Variants in SLC12A4 observed in about 807,000 individuals in gnomAD.
The protein encoded by SLC12A4 is electroneutral potassium-chloride cotransporter 1.
In SLC12A4, 84 loss-of-function variants were observed where a neutral mutation model predicts 119.2. The ratio of observed to expected loss-of-function variants is 0.70; its 90% CI spans 0.59 to 0.85. The LOEUF is 0.85. SLC12A4 is among the 40% of genes least tolerant of loss of function. The pLI is 0.00. For synonymous variants in SLC12A4, 599 were observed against 604.6 expected (o/e 0.99, Z 0.14); for missense variants, 1,298 against 1,476.3 (o/e 0.88, Z 1.98).
chr16:67,947,648 C>T, intron 15 of SLC12A4, 21 bp downstream of exon 15: 2 of 1,589,678 alleles, frequency 1.3e-6, no homozygotes, highest in Non-Finnish European at 1.7e-6. Flanking sequence ...TGGCAGAGGC[C>T]AGGTGGCAGT....
Position 67,946,575 on chromosome 16 carries a change from G to A in SLC12A4, c.2300C>T (p.Ala767Val), listed in dbSNP as rs2058353050. 6.2e-7 allele frequency: 1 copy of A among 1,612,892 alleles called. No homozygotes were observed. ...GGCCAGCCCCTCCCGCACCTTGCTG[G>A]CCACCACCACCTGGCAGAAGCCCTT... ...KVKGFCQVVVASKVREGLAHL... is the reference protein window; with the variant it reads ...KVKGFCQVVVVSKVREGLAHL... The change falls in exon 18 of 24, where the codon GCC becomes GTC. Residue 767 changes from alanine to valine, a missense_variant. Transcript: ENST00000316341.
chr16:67,951,593 GGGCTGGT>G lies in SLC12A4; in HGVS notation c.1132+223_1132+229del, dbSNP rs2029909906. The G allele has an allele frequency of 6.7e-5, 41 of 611,100 alleles. 1 individual carries two copies. In the South Asian group the frequency reaches 7.9e-4, roughly 12 times the overall value. The allele number at this position is 611,100 out of a possible 1,614,324, so 37.9% of individuals were successfully genotyped here. A position where few individuals can be genotyped will look rare whatever the true frequency, so the allele number is the denominator to read the frequency against. ...TGGGAACATCCCCAGGCAGTGTCAG[GGGCTGGT>G]GGCTGGGGAAGACAGGCTGCTGCAG... On this transcript the variant is annotated intron_variant, in intron 8 of 23. Transcript: ENST00000316341. The surrounding 1 kb of genome is among the most constrained non-coding windows in gnomAD (Gnocchi z 5.2).
intron 5 of SLC12A4, 32 bp downstream of exon 5, chr16:67,957,710 C>A: frequency 6.2e-7 from 1 of 1,612,108 alleles, no homozygotes; most frequent in Non-Finnish European, 8.5e-7. Context: ...GTCCTTTTCT[C>A]TTCCACCAGG....
At chr16:67,959,923 C>T (rs1169284299) in intron 3 of SLC12A4, among the ~76,000 whole-genome samples, 1 of 152,242 alleles carries the variant, frequency 6.6e-6, no homozygotes, top group Admixed American at 6.5e-5. Context: ...CGGGCCTGCC[C>T]TGGGTGAGGA....
rs747921050 is a variant in SLC12A4, at chr16:67,945,826, T to C, written c.2785A>G (p.Met929Val). Residue 929 changes from methionine to valine, a missense_variant, in exon 21 of 24, where the codon ATG (methionine) becomes GTG (valine). Transcript: ENST00000316341. ...SAYTYERTLM[M>V]EQRSQMLRQM... ...CGCAGCATCTGCGACCGCTGCTCCA[T>C]CATCAGCGTCCGCTCGTAGGTGTAT... 5 of 1,613,974 alleles carry C rather than the reference T, an allele frequency of 3.1e-6. No homozygotes were observed. In the South Asian group the frequency reaches 5.5e-5, roughly 18 times the overall value.
chr16:67,963,315 A>G, intron 2 of SLC12A4, 150 bp downstream of exon 2: 1 of 482,800 alleles, frequency 2.1e-6, no homozygotes, highest in Non-Finnish European at 3.6e-6. Flanking sequence ...GAAAGGGCCA[A>G]GGGAACTGCA....
chr16:67,945,049 T>G, intron 23 of SLC12A4, 38 bp downstream of exon 23: 1 of 1,583,358 alleles, frequency 6.3e-7, no homozygotes, highest in Non-Finnish European at 8.6e-7. Context: ...TCCCATGCTA[T>G]CCACCTCCCA....
rs367670740 is a variant in SLC12A4 at position 67,958,050 on chromosome 16, C to G, written c.343-6G>C. 3 of 1,612,958 alleles carry G rather than the reference C, an allele frequency of 1.9e-6. No individual in the cohort carries two copies. The highest frequency in any genetic ancestry group is 1.7e-5 in the Admixed American group (1 of 59,968). ...AGGGTGCCCATGCTGGGTGCCTATG[C>G]GAACACAAAGGGAGGGGGCGAGTAG... On this transcript the variant is annotated splice_region_variant and splice_polypyrimidine_tract_variant and intron_variant, in intron 3 of 23. Transcript: ENST00000316341.
chr16:67,944,491 T>G lies in SLC12A4; in HGVS notation c.*349A>C. Reference sequence around the variant, plus strand: ...TGGCTACCCTTCCCTTCGTCTCTGATGGTGACATCCAAACAATAAATATGC... The same window carrying G: ...TGGCTACCCTTCCCTTCGTCTCTGAGGGTGACATCCAAACAATAAATATGC... On this transcript the variant is annotated 3_prime_UTR_variant, in exon 24 of 24. Coordinates refer to ENST00000316341, the MANE Select transcript of SLC12A4 (RefSeq NM_005072.5). This position sits in a 1 kb window ranked among gnomAD's most constrained non-coding sequence, Gnocchi z 6.6. 1 of 1,249,596 alleles carries G rather than the reference T, an allele frequency of 8.0e-7. No individual in the cohort carries two copies. The highest frequency in any genetic ancestry group is 1.0e-6 in the Non-Finnish European group (1 of 993,826). 77.4% of individuals were successfully genotyped at this position (1,249,596 alleles called of 1,614,324 possible). A position where few individuals can be genotyped will look rare whatever the true frequency, so the allele number is the denominator to read the frequency against.
At chr16:67,948,022 G>A in intron 14 of SLC12A4, 39 bp downstream of exon 14, 2 of 1,597,652 alleles carry the variant, frequency 1.3e-6, no homozygotes, top group Non-Finnish European at 1.7e-6. Flanking sequence ...TGAGGCTCCT[G>A]GCCTCCCCAG....
Position 67,943,718 on chromosome 16 carries a change from G to T in SLC12A4, c.*1122C>A, listed in dbSNP as rs1021230108. On this transcript the variant is annotated 3_prime_UTR_variant, in exon 24 of 24. Coordinates refer to ENST00000316341, the MANE Select transcript of SLC12A4 (RefSeq NM_005072.5). The surrounding 1 kb of genome is among the most constrained non-coding windows in gnomAD (Gnocchi z 4.6). ...CCAGCCAAGACCTCAGGCACACCCC[G>T]TCCCCCACTCCGCCCCCCCTGGGTT... The T allele has an allele frequency of 1.1e-5, 6 of 565,376 alleles. No individual in the cohort carries two copies. The South Asian group carries it at 1.2e-4, about 11-fold the overall frequency. The allele number at this position is 565,376 out of a possible 1,614,324, so 35.0% of individuals were successfully genotyped here. A position where few individuals can be genotyped will look rare whatever the true frequency, so the allele number is the denominator to read the frequency against.
At position 67,951,695 on chromosome 16, in the gene SLC12A4, A is replaced by G. The variant is rs2029913880; in HGVS notation, c.1132+128T>C. 1 of 847,764 alleles carries G rather than the reference A, an allele frequency of 1.2e-6. No individual in the cohort carries two copies. Among genetic ancestry groups the G allele is most frequent in the Non-Finnish European group, 1.8e-6 (1 of 544,686 alleles). The allele number at this position is 847,764 out of a possible 1,614,324, so 52.5% of individuals were successfully genotyped here. ...CTGCCAGGAGCCAGGCTGGGAGGAC[A>G]CTGGGGGGCTGGGAAGGCGGCCAGT... On this transcript the variant is annotated intron_variant, in intron 8 of 23. Transcript: ENST00000316341. This position sits in a 1 kb window ranked among gnomAD's most constrained non-coding sequence, Gnocchi z 5.2.
intron 1 of SLC12A4, among the ~76,000 whole-genome samples, chr16:67,964,222 T>A (rs1235705109): frequency 6.6e-6 from 1 of 152,142 alleles, no homozygotes; most frequent in Non-Finnish European, 1.5e-5. Flanking sequence ...AAATGGGAGC[T>A]GGGACTGCTG....
intron 1 of SLC12A4, chr16:67,963,841 G>T (rs946547462): frequency 8.0e-6 from 12 of 1,500,260 alleles, no homozygotes; most frequent in Admixed American, 2.0e-5. Context: ...GACACTGAGG[G>T]ACGGGGCCTG....
chr16:67,947,939 C>T (rs964015790), intron 14 of SLC12A4, 122 bp downstream of exon 14: 29 of 1,467,314 alleles, frequency 2.0e-5, no homozygotes, highest in Middle Eastern at 1.7e-4. Context: ...TCCAGTCCCC[C>T]GCAGCCCTAT....
chr16:67,955,339 A>G (rs1321083082), intron 5 of SLC12A4, among the ~76,000 whole-genome samples: 2 of 152,260 alleles, frequency 1.3e-5, no homozygotes, highest in African/African-American at 4.8e-5. Context: ...ACAGGGGGAC[A>G]AGAGTCATCT....
intron 1 of SLC12A4, chr16:67,966,651 T>C: frequency 1.4e-6 from 2 of 1,432,600 alleles, no homozygotes; most frequent in Non-Finnish European, 9.5e-7. Context: ...AGCAGAGGTG[T>C]GGGCACTGAA....
In SLC12A4 at chr16:67,943,793, AG is replaced by A. The variant is rs1395585750; in HGVS notation, c.*1046del. The A allele has an allele frequency of 2.9e-6, 2 of 697,272 alleles. No individual in the cohort carries two copies. Among genetic ancestry groups the A allele is most frequent in the Non-Finnish European group, 4.7e-6 (2 of 423,308 alleles). 43.2% of individuals were successfully genotyped at this position (697,272 alleles called of 1,614,324 possible). A position where few individuals can be genotyped will look rare whatever the true frequency, so the allele number is the denominator to read the frequency against. On this transcript the variant is annotated 3_prime_UTR_variant, in exon 24 of 24. Transcript: ENST00000316341. The surrounding 1 kb of genome is among the most constrained non-coding windows in gnomAD (Gnocchi z 4.6). ...TGGGAGAAGGGACGTCATTCCTCTA[AG>A]GGACAAGCTTTTGGCCCCTCCCCAC...
intron 1 of SLC12A4, chr16:67,963,920 T>C: frequency 1.9e-6 from 3 of 1,551,358 alleles, no homozygotes; most frequent in Non-Finnish European, 2.6e-6. Context: ...TTCCCGGTCT[T>C]TCCGGAGTAC....
Sources: gnomAD v4.1 joint callset for allele counts (sites outside exome capture counted in the v4.1 genomes callset) on GRCh38, gnomAD v4.1.1 for gene constraint, Gnocchi (gnomAD v3.1) non-coding constraint, MANE v1.5 for transcripts, NCBI Gene and HGNC (gene_info 2026-07-23, HGNC 2026-07-21) for gene names.